Variants in LPAR5 observed in about 807,000 individuals in gnomAD.
LPAR5 encodes G protein-coupled receptor 92.
For missense variants in LPAR5, 544 were observed against 521.8 expected (o/e 1.04, Z -0.41); for synonymous variants, 271 against 261.6 (o/e 1.04, Z -0.35).
In LPAR5 at chr12:6,618,881, G is replaced by C. The variant is rs1948860621; in HGVS notation, c.*1249C>G. ...TATTTAGCACTGCCCTCTCCCCACAGTAATAAAAAGCACTGTACATAATGC... is the reference window on the plus strand; with the variant it reads ...TATTTAGCACTGCCCTCTCCCCACACTAATAAAAAGCACTGTACATAATGC... On this transcript the variant is annotated 3_prime_UTR_variant, in exon 2 of 2. Coordinates refer to ENST00000329858, the MANE Select transcript of LPAR5 (RefSeq NM_020400.6). 6.6e-6 allele frequency: 1 copy of C among 152,186 alleles called. No individual in the cohort carries two copies. The highest frequency in any genetic ancestry group is 2.4e-5 in the African/African-American group (1 of 41,432). 9.4% of individuals were successfully genotyped at this position (152,186 alleles called of 1,614,324 possible).
At chr12:6,631,313 C>G (rs1229723789) in intron 1 of LPAR5, among the ~76,000 whole-genome samples, 1 of 152,154 alleles carries the variant, frequency 6.6e-6, no homozygotes, top group African/African-American at 2.4e-5. Context: ...GCATAGACAA[C>G]TGGGCTGGGG....
intron 1 of LPAR5, among the ~76,000 whole-genome samples, chr12:6,622,033 C>A (rs1948900518): frequency 6.6e-6 from 1 of 151,914 alleles, no homozygotes; most frequent in African/African-American, 2.4e-5. Flanking sequence ...GAGGCTGAGA[C>A]AGGAGAATCG....
At chr12:6,632,161 C>T (rs956269574) in intron 1 of LPAR5, among the ~76,000 whole-genome samples, 21 of 152,004 alleles carry the variant, frequency 1.4e-4, no homozygotes, top group African/African-American at 2.7e-4. Flanking sequence ...TTCGTAGAGA[C>T]GGGGTTTCAC....
rs1296690541 is a variant in LPAR5 at position 6,618,938 on chromosome 12, C to T, written c.*1192G>A. 1 of 152,238 alleles carries T rather than the reference C, an allele frequency of 6.6e-6. No individual in the cohort carries two copies. Among genetic ancestry groups the T allele is most frequent in the African/African-American group, 2.4e-5 (1 of 41,444 alleles). The allele number at this position is 152,238 out of a possible 1,614,324, so 9.4% of individuals were successfully genotyped here. A position where few individuals can be genotyped will look rare whatever the true frequency, so the allele number is the denominator to read the frequency against. ...AAGAAGTTAGACATGAACTCCAATACTTCAGGACAAGTATGGTTCTCAAAG... is the reference window on the plus strand; with the variant it reads ...AAGAAGTTAGACATGAACTCCAATATTTCAGGACAAGTATGGTTCTCAAAG... On this transcript the variant is annotated 3_prime_UTR_variant, in exon 2 of 2. Coordinates refer to ENST00000329858, the MANE Select transcript of LPAR5 (RefSeq NM_020400.6).
At chr12:6,634,228 A>T (rs548789340) in intron 1 of LPAR5, among the ~76,000 whole-genome samples, 2 of 151,620 alleles carry the variant, frequency 1.3e-5, no homozygotes, top group South Asian at 2.1e-4. Flanking sequence ...GATGGTCTCG[A>T]TCTCTTGACC....
chr12:6,620,478 G>T lies in LPAR5; in HGVS notation c.771C>A (p.Tyr257Ter). 1.3e-6 allele frequency: 2 copies of T among 1,588,328 alleles called. No homozygotes were observed. The highest frequency in any genetic ancestry group is 1.7e-6 in the Non-Finnish European group (2 of 1,167,248). The change falls in exon 2 of 2, where the codon TAC becomes TAA. Residue 257 changes from tyrosine to a stop codon, truncating the protein, a stop_gained. Coordinates refer to ENST00000329858, the MANE Select transcript of LPAR5 (RefSeq NM_020400.6). LOFTEE classifies it low-confidence loss of function (END_TRUNC). The surrounding 1 kb of genome is among the most constrained non-coding windows in gnomAD (Gnocchi z 6.8). ...FVPYNSTLAVYGLLRSKLVAA... is the reference protein window; with the variant it reads ...FVPYNSTLAV Reference sequence around the variant, plus strand: ...CCACCAGCTTGCTCCGCAGCAGCCCGTAGACCGCCAGCGTGCTGTTGTAGG... The same window carrying T: ...CCACCAGCTTGCTCCGCAGCAGCCCTTAGACCGCCAGCGTGCTGTTGTAGG...
In LPAR5 at chr12:6,620,679, G is replaced by GGGCA; in HGVS notation, c.566_569dup (p.Leu191AlafsTer50). The stretch of plus-strand genomic sequence containing the variant: ...CCAGCGCCTCGGCCAGCAGCACGAG[G>GGGCA]GGCAGCAGCCTGCCTTTCCACAGCT... On this transcript the variant is annotated frameshift_variant, in exon 2 of 2. Transcript: ENST00000329858. LOFTEE classifies it low-confidence loss of function (END_TRUNC). This position sits in a 1 kb window ranked among gnomAD's most constrained non-coding sequence, Gnocchi z 6.8. The GGGCA allele has an allele frequency of 1.9e-6, 3 of 1,566,070 alleles. No homozygotes were observed. In the East Asian group the frequency reaches 7.0e-5, roughly 37 times the overall value.
intron 1 of LPAR5, among the ~76,000 whole-genome samples, chr12:6,628,021 C>CTTTTTT (rs1296336106): frequency 8.9e-6 from 1 of 112,764 alleles, no homozygotes; most frequent in East Asian, 3.1e-4. Flanking sequence ...TTTTCTTTTT[C>CTTTTTT]TTTTTTCTTT....
chr12:6,621,484 C>T lies in LPAR5; in HGVS notation c.-216-20G>A. 1 of 420,110 alleles carries T rather than the reference C, an allele frequency of 2.4e-6. No homozygotes were observed. The highest frequency in any genetic ancestry group is 7.9e-5 in the South Asian group (1 of 12,668). 26.0% of individuals were successfully genotyped at this position (420,110 alleles called of 1,614,324 possible). ...AGAGACCTGGAATAGGAAGGCAAGC[C>T]GGAAGTTATACAGAGACAGGGCTGC... On this transcript the variant is annotated intron_variant, in intron 1 of 1. Coordinates refer to ENST00000329858, the MANE Select transcript of LPAR5 (RefSeq NM_020400.6).
chr12:6,624,155 C>T (rs1341928371), intron 1 of LPAR5, among the ~76,000 whole-genome samples: 1 of 152,204 alleles, frequency 6.6e-6, no homozygotes, highest in Non-Finnish European at 1.5e-5. Context: ...AGGCTGATTG[C>T]ATGCTAGTCT....
At chr12:6,635,129 G>T (rs1396270130) in intron 1 of LPAR5, among the ~76,000 whole-genome samples, 2 of 151,862 alleles carry the variant, frequency 1.3e-5, no homozygotes, top group Non-Finnish European at 2.9e-5. Context: ...GAGAAAAAAA[G>T]GAGTAGTTCT....
In LPAR5 at chr12:6,619,506, G is replaced by T. The variant is rs1292328708; in HGVS notation, c.*624C>A. ...GGTTTGGACTTGGATGTTGTTGAGG[G>T]GGAAACTCTAAGTTAGTTTTGCCTT... is the stretch of plus-strand genomic sequence containing the variant. On this transcript the variant is annotated 3_prime_UTR_variant, in exon 2 of 2. Coordinates refer to ENST00000329858, the MANE Select transcript of LPAR5 (RefSeq NM_020400.6). The T allele has an allele frequency of 1.2e-5, 2 of 161,996 alleles. No individual in the cohort carries two copies. The highest frequency in any genetic ancestry group is 2.7e-5 in the Non-Finnish European group (2 of 73,612). The allele number at this position is 161,996 out of a possible 1,614,324, so 10.0% of individuals were successfully genotyped here.
Position 6,635,117 on chromosome 12 carries a change from G to T in LPAR5, c.-217+790C>A, listed in dbSNP as rs965560068. Among the ~76,000 whole-genome samples the T allele has an allele frequency of 2.0e-5, 3 of 151,352 alleles. No homozygotes were observed. In the South Asian group the frequency reaches 6.3e-4, roughly 32 times the overall value. ...AAAAAAAAAGAAAGGAAGGAAGGAA[G>T]AGAGAAAAAAAGGAGTAGTTCTGGA... On this transcript the variant is annotated intron_variant, in intron 1 of 1. Coordinates refer to ENST00000329858, the MANE Select transcript of LPAR5 (RefSeq NM_020400.6).
rs752309842 is a variant in LPAR5 at position 6,620,741 on chromosome 12, G to A, written c.508C>T (p.Leu170Phe). Residue 170 changes from leucine to phenylalanine, a missense_variant, in exon 2 of 2, where the codon CTC becomes TTC. Physicochemically the swap from Leu to Phe is conservative, Grantham distance 22 (BLOSUM62 0). Coordinates refer to ENST00000329858, the MANE Select transcript of LPAR5 (RefSeq NM_020400.6). This position sits in a 1 kb window ranked among gnomAD's most constrained non-coding sequence, Gnocchi z 6.8. ...HRPSRCRYRD[L>F]EVRLCFESFS... The stretch of plus-strand genomic sequence containing the variant: ...CTCTCGAAGCATAGGCGCACCTCGA[G>A]GTCCCGGTAGCGGCAACGCGAGGGC... 6.3e-7 allele frequency: 1 copy of A among 1,591,528 alleles called. No individual in the cohort carries two copies. Among genetic ancestry groups the A allele is most frequent in the South Asian group, 1.1e-5 (1 of 88,360 alleles).
chr12:6,630,559 T>C lies in LPAR5; in HGVS notation c.-217+5348A>G, dbSNP rs762637293. On this transcript the variant is annotated intron_variant, in intron 1 of 1. Transcript: ENST00000329858. ...CCTTTTCCTCCCAGGTTCAAGCAATTCTCTTGTCTCAGCCTCCTGAGTAGC... is the reference window on the plus strand; with the variant it reads ...CCTTTTCCTCCCAGGTTCAAGCAATCCTCTTGTCTCAGCCTCCTGAGTAGC... Among the ~76,000 whole-genome samples, 18 of 149,046 alleles carry C rather than the reference T, an allele frequency of 1.2e-4. No individual in the cohort carries two copies. The East Asian group carries it at 3.3e-3, about 27-fold the overall frequency.
intron 1 of LPAR5, among the ~76,000 whole-genome samples, chr12:6,625,004 T>A (rs186073480): frequency 4.3e-4 from 66 of 152,346 alleles, no homozygotes; most frequent in Non-Finnish European, 2.4e-4. Flanking sequence ...ATACTTGGAT[T>A]CTTTCCACCT....
chr12:6,632,227 A>G (rs1238965286), intron 1 of LPAR5, among the ~76,000 whole-genome samples: 1 of 151,816 alleles, frequency 6.6e-6, no homozygotes, highest in Non-Finnish European at 1.5e-5. Context: ...TGCCTCGGCC[A>G]CCCAAAGTGC....
In LPAR5 at chr12:6,620,014, G is replaced by C; in HGVS notation, c.*116C>G. Reference sequence around the variant, plus strand: ...TGTACTCTTCTGCGTTGCTAAGCTGGAATTGCCACCCAAAGGTCCAAGTGC... The same window carrying C: ...TGTACTCTTCTGCGTTGCTAAGCTGCAATTGCCACCCAAAGGTCCAAGTGC... On this transcript the variant is annotated 3_prime_UTR_variant, in exon 2 of 2. Coordinates refer to ENST00000329858, the MANE Select transcript of LPAR5 (RefSeq NM_020400.6). This position sits in a 1 kb window ranked among gnomAD's most constrained non-coding sequence, Gnocchi z 6.8. 1 of 1,372,426 alleles carries C rather than the reference G, an allele frequency of 7.3e-7. No homozygotes were observed. 85.0% of individuals were successfully genotyped at this position (1,372,426 alleles called of 1,614,324 possible).
At position 6,620,145 on chromosome 12, in the gene LPAR5, C is replaced by T; in HGVS notation, c.1104G>A (p.Gln368=). ...HSLSSFTQCP[Q]DSAL is the part of the protein sequence containing the mutation. ...GCATGTGTGTTCAGAGGGCGGAATC[C>T]TGGGGACACTGTGTGAAGGAAGACA... The change falls in exon 2 of 2, where the codon CAG becomes CAA. Residue 368 remains glutamine (Q), a synonymous_variant. Coordinates refer to ENST00000329858, the MANE Select transcript of LPAR5 (RefSeq NM_020400.6). The surrounding 1 kb of genome is among the most constrained non-coding windows in gnomAD (Gnocchi z 6.8). 6.2e-7 allele frequency: 1 copy of T among 1,613,746 alleles called. No individual in the cohort carries two copies. Among genetic ancestry groups the T allele is most frequent in the Non-Finnish European group, 8.5e-7 (1 of 1,179,788 alleles).
Sources: allele counts gnomAD v4.1 joint callset (sites outside exome capture counted in the v4.1 genomes callset), GRCh38; gene constraint gnomAD v4.1.1; non-coding constraint Gnocchi (gnomAD v3.1); transcripts MANE v1.5; gene names NCBI Gene and HGNC (gene_info 2026-07-23, HGNC 2026-07-21).